Variants in FBXO27 observed in about 807,000 individuals in gnomAD.
FBXO27 encodes F-box protein 27, also known as F-box only protein 27.
FBXO27 carries 28 observed loss-of-function variants against 28.3 expected under a neutral mutation model. That is an observed-to-expected ratio of 0.99 (90% CI 0.73 to 1.36). FBXO27 has a LOEUF of 1.36. Among genes scored for constraint, FBXO27 ranks in the 40% most tolerant of loss-of-function variants. The pLI, the probability that FBXO27 is intolerant of heterozygous loss-of-function variation, is 0.00. For synonymous variants in FBXO27, 175 were observed against 167.3 expected (o/e 1.05, Z -0.36); for missense variants, 388 against 394.1 (o/e 0.98, Z 0.13).
intron 2 of FBXO27, among the ~76,000 whole-genome samples, chr19:39,007,892 T>C (rs923450085): frequency 6.6e-6 from 1 of 152,040 alleles, no homozygotes; most frequent in Non-Finnish European, 1.5e-5. Context: ...GCTCAAGAAA[T>C]CTGCCTGCCT....
At position 39,032,394 on chromosome 19, in the gene FBXO27, C is replaced by T. The variant is rs2072911921; in HGVS notation, c.-27+109G>A. 2 of 989,752 alleles carry T rather than the reference C, an allele frequency of 2.0e-6. No homozygotes were observed. The highest frequency in any genetic ancestry group is 2.7e-6 in the Non-Finnish European group (2 of 728,716). 61.3% of individuals were successfully genotyped at this position (989,752 alleles called of 1,614,324 possible). On this transcript the variant is annotated intron_variant, in intron 1 of 5. Coordinates refer to ENST00000292853, the MANE Select transcript of FBXO27 (RefSeq NM_178820.5). This position sits in a 1 kb window ranked among gnomAD's most constrained non-coding sequence, Gnocchi z 4.7. Reference sequence around the variant, plus strand: ...CCCAAGTCCCCATCCCCCAGCCCGTCCTTGATAGCCCCGATATCCCGGAGA... The same window carrying T: ...CCCAAGTCCCCATCCCCCAGCCCGTTCTTGATAGCCCCGATATCCCGGAGA...
At chr19:39,006,400 A>T (rs1010963609) in intron 2 of FBXO27, among the ~76,000 whole-genome samples, 2 of 152,028 alleles carry the variant, frequency 1.3e-5, no homozygotes, top group Admixed American at 1.3e-4. Context: ...TCTACTAAAA[A>T]TACAAAAAAT....
Position 39,031,128 on chromosome 19 carries a change from G to T in FBXO27, c.477-4C>A, listed in dbSNP as rs1414044969. 1 of 1,613,772 alleles carries T rather than the reference G, an allele frequency of 6.2e-7. No individual in the cohort carries two copies. The highest frequency in any genetic ancestry group is 8.5e-7 in the Non-Finnish European group (1 of 1,179,880). The stretch of plus-strand genomic sequence containing the variant: ...GACCTGCTTCTTGCAACACCAGCTG[G>T]GAATGCAGGAGACAGGGTAATGAGA... On this transcript the variant is annotated splice_region_variant and splice_polypyrimidine_tract_variant and intron_variant, in intron 3 of 5. Coordinates refer to ENST00000292853, the MANE Select transcript of FBXO27 (RefSeq NM_178820.5).
downstream of FBXO27, among the ~76,000 whole-genome samples, chr19:39,021,575 T>C (rs2072845258): frequency 1.3e-5 from 2 of 152,188 alleles, no homozygotes; most frequent in South Asian, 4.1e-4. Context: ...ATACAACATA[T>C]GTGTTAATTG....
intron 4 of FBXO27, among the ~76,000 whole-genome samples, chr19:39,028,186 G>A (rs759232047): frequency 1.2e-4 from 18 of 152,010 alleles, no homozygotes; most frequent in Admixed American, 5.2e-4. Flanking sequence ...AGCTGAGATC[G>A]CACCATTGCA....
Position 39,016,442 on chromosome 19 carries a change from C to G in FBXO27, c.92-1895G>C, listed in dbSNP as rs548466655. Among the ~76,000 whole-genome samples the G allele has an allele frequency of 7.2e-5, 11 of 151,776 alleles. No homozygotes were observed. The South Asian group carries it at 2.3e-3, about 32-fold the overall frequency. ...ACTTTCTGCTCAATTTTGCTGTGAA[C>G]CTAAAACTGCTCTAAAAATAAAGTC... On this transcript the variant is annotated intron_variant, in intron 1 of 2. Transcript: ENST00000598394.
intron 1 of FBXO27, among the ~76,000 whole-genome samples, chr19:39,015,596 C>A (rs1457188948): frequency 6.6e-6 from 1 of 152,062 alleles, no homozygotes; most frequent in Non-Finnish European, 1.5e-5. Context: ...CATGCTACTG[C>A]ACTTCAGCCT....
intron 2 of FBXO27, among the ~76,000 whole-genome samples, chr19:39,007,080 A>C (rs28817023): frequency 0.037 from 5,155 of 138,474 alleles, 652 homozygotes; most frequent in African/African-American, 0.15. Context: ...AAAAAAAAAT[A>C]CAGAAAAGTA....
At chr19:39,009,840 C>T (rs966311184) in intron 2 of FBXO27, among the ~76,000 whole-genome samples, 1 of 151,996 alleles carries the variant, frequency 6.6e-6, no homozygotes, top group African/African-American at 2.4e-5. Context: ...GACAGAGTCT[C>T]ACTCTGTCCC....
At position 39,027,120 on chromosome 19, in the gene FBXO27, T is replaced by G. The variant is rs573086033; in HGVS notation, c.573-115A>C. On this transcript the variant is annotated intron_variant, in intron 4 of 5. Transcript: ENST00000292853. The stretch of plus-strand genomic sequence containing the variant: ...GCAAATCCAGTTCCTCTAAAGAGAC[T>G]CCTGGGAGGTGATCTCTGGACCTTT... 1.3e-4 allele frequency: 176 copies of G among 1,307,522 alleles called. 1 individual carries two copies. The African/African-American group carries it at 2.4e-3, about 18-fold the overall frequency. 81.0% of individuals were successfully genotyped at this position (1,307,522 alleles called of 1,614,324 possible).
At chr19:39,021,847 G>C (rs1339816913), downstream of FBXO27, among the ~76,000 whole-genome samples, 2 of 151,906 alleles carry the variant, frequency 1.3e-5, no homozygotes, top group Non-Finnish European at 2.9e-5. Flanking sequence ...ATTTTTAGTA[G>C]AGATGGGGTT....
Position 39,025,412 on chromosome 19 carries a change from T to C in FBXO27, c.851A>G (p.Ter284TrpextTer26). 6.2e-7 allele frequency: 1 copy of C among 1,613,054 alleles called. No homozygotes were observed. Among genetic ancestry groups the C allele is most frequent in the Non-Finnish European group, 8.5e-7 (1 of 1,179,578 alleles). The change falls in exon 6 of 6, where the codon TAG becomes TGG. Residue 284 changes from the stop codon to tryptophan (W), a stop_lost. Coordinates refer to ENST00000292853, the MANE Select transcript of FBXO27 (RefSeq NM_178820.5). ...SSVIVRVRLS[*>W] ...TCTTGCAAGAAGGGTAGTGCTGGAC[T>C]AGGACAGACGGACTCGCACGATCAC...
chr19:39,032,247 G>A lies in FBXO27; in HGVS notation c.-20C>T. On this transcript the variant is annotated 5_prime_UTR_variant, in exon 2 of 6. Transcript: ENST00000292853. The surrounding 1 kb of genome is among the most constrained non-coding windows in gnomAD (Gnocchi z 4.7). The stretch of plus-strand genomic sequence containing the variant: ...GCCCATGGTCCCCCCGCCAGGCCCG[G>A]CTGTGGCTGCGGGAGAGGAAGGGTC... 1 of 1,425,736 alleles carries A rather than the reference G, an allele frequency of 7.0e-7. No individual in the cohort carries two copies. Among genetic ancestry groups the A allele is most frequent in the Non-Finnish European group, 9.1e-7 (1 of 1,098,318 alleles). 88.3% of individuals were successfully genotyped at this position (1,425,736 alleles called of 1,614,324 possible).
chr19:39,008,718 T>G (rs2072781654), intron 2 of FBXO27, among the ~76,000 whole-genome samples: 1 of 152,214 alleles, frequency 6.6e-6, no homozygotes, highest in Non-Finnish European at 1.5e-5. Flanking sequence ...TTTCCGATTC[T>G]GGGCAATTCA....
At chr19:39,023,646 C>T (rs891391033), downstream of FBXO27, among the ~76,000 whole-genome samples, 12 of 151,508 alleles carry the variant, frequency 7.9e-5, no homozygotes, top group African/African-American at 2.2e-4. Context: ...CGGAGTCTCG[C>T]TCTTTCGCCC....
downstream of FBXO27, among the ~76,000 whole-genome samples, chr19:39,020,090 T>C (rs978397517): frequency 2.0e-5 from 3 of 151,992 alleles, no homozygotes; most frequent in African/African-American, 7.2e-5. Flanking sequence ...AAGTGCCCTA[T>C]TCTGGAAAAA....
intron 1 of FBXO27, among the ~76,000 whole-genome samples, chr19:39,016,607 A>AC (rs1320736012): frequency 6.6e-6 from 1 of 150,970 alleles, no homozygotes; most frequent in Admixed American, 6.6e-5. Context: ...AAAAAAAAAA[A>AC]AAACCCAAAA....
Position 39,031,211 on chromosome 19 carries a change from G to C in FBXO27, c.474C>G (p.Phe158Leu). 1 of 1,614,134 alleles carries C rather than the reference G, an allele frequency of 6.2e-7. No homozygotes were observed. Reference sequence around the variant, plus strand: ...CTTTGGATAGCAGGGGCATTCACCTGAATGAAGTCACGAAGCACGTCTGAG... The same window carrying C: ...CTTTGGATAGCAGGGGCATTCACCTCAATGAAGTCACGAAGCACGTCTGAG... ...APSQTCFVTS[F>L]SWCCKKQVLD... The change falls in exon 3 of 6, where the codon TTC (phenylalanine) becomes TTG (leucine). Residue 158 changes from phenylalanine (F) to leucine (L), a missense_variant and splice_region_variant. Physicochemically the swap from Phe to Leu is conservative, Grantham distance 22. Coordinates refer to ENST00000292853, the MANE Select transcript of FBXO27 (RefSeq NM_178820.5).
intron 1 of FBXO27, among the ~76,000 whole-genome samples, chr19:39,016,073 A>C (rs1435216228): frequency 6.6e-6 from 1 of 152,172 alleles, no homozygotes; most frequent in African/African-American, 2.4e-5. Context: ...CTCCATCTCA[A>C]AACAAATACA....
Sources: gnomAD v4.1 joint callset for allele counts (sites outside exome capture counted in the v4.1 genomes callset) on GRCh38, gnomAD v4.1.1 for gene constraint, Gnocchi (gnomAD v3.1) non-coding constraint, MANE v1.5 for transcripts, NCBI Gene and HGNC (gene_info 2026-07-23, HGNC 2026-07-21) for gene names.